Variants in GLT8D2 observed in about 807,000 individuals in gnomAD.
GLT8D2 encodes the protein glycosyltransferase 8 domain-containing protein 2.
GLT8D2 carries 45 observed loss-of-function variants against 44.5 expected under a neutral mutation model. The observed-to-expected ratio is 1.01, with a 90% CI of 0.80 to 1.30. The LOEUF (loss-of-function observed/expected upper bound fraction) is 1.30, where lower values mean the gene tolerates loss of function less well. GLT8D2 is among the 50% of genes most tolerant of loss of function. The pLI, the probability that GLT8D2 is intolerant of heterozygous loss-of-function variation, is 0.00. For missense variants in GLT8D2, 400 were observed against 430.4 expected (o/e 0.93, Z 0.62); for synonymous variants, 156 against 157.2 (o/e 0.99, Z 0.06).
chr12:104,001,926 A>G (rs1348843469), intron 5 of GLT8D2, among the ~76,000 whole-genome samples: 1 of 152,010 alleles, frequency 6.6e-6, no homozygotes, highest in Admixed American at 6.6e-5. Flanking sequence ...CTGGTCTCAA[A>G]TTCTTGACTT....
At chr12:104,017,123 T>C (rs1160042251) in intron 3 of GLT8D2, among the ~76,000 whole-genome samples, 1 of 152,164 alleles carries the variant, frequency 6.6e-6, no homozygotes, top group East Asian at 1.9e-4. Flanking sequence ...AATCAGCATA[T>C]GAGAAAGTCA....
chr12:104,041,103 C>T (rs1461497339), intron 1 of GLT8D2, among the ~76,000 whole-genome samples: 10 of 151,800 alleles, frequency 6.6e-5, no homozygotes, highest in Admixed American at 2.0e-4. Context: ...CCCGTCTCTA[C>T]TAAAAATACA....
intron 1 of GLT8D2, among the ~76,000 whole-genome samples, chr12:104,062,183 C>G (rs1481978981): frequency 6.6e-6 from 1 of 151,794 alleles, no homozygotes; most frequent in Non-Finnish European, 1.5e-5. Flanking sequence ...AAGTGATTCT[C>G]CTACCTCAGC....
At chr12:104,041,688 C>T (rs1321564787) in intron 1 of GLT8D2, among the ~76,000 whole-genome samples, 1 of 152,214 alleles carries the variant, frequency 6.6e-6, no homozygotes. Flanking sequence ...CAAACATTTA[C>T]TCAACCTCTA....
In GLT8D2 at chr12:103,999,391, A is replaced by G. The variant is rs1475996679; in HGVS notation, c.402+6T>C. The G allele has an allele frequency of 9.1e-6, 14 of 1,543,256 alleles. No homozygotes were observed. The highest frequency in any genetic ancestry group is 1.7e-4 in the Middle Eastern group (1 of 5,922). On this transcript the variant is annotated splice_donor_region_variant and intron_variant, in intron 6 of 10. Transcript: ENST00000360814. ...TGTCCCCAGCACCTGTGTGGTCCCTACTTACAGGCTGGAGCAATTCAGGCC... is the reference window on the plus strand; with the variant it reads ...TGTCCCCAGCACCTGTGTGGTCCCTGCTTACAGGCTGGAGCAATTCAGGCC...
upstream of GLT8D2, among the ~76,000 whole-genome samples, chr12:104,051,204 G>A (rs1053073021): frequency 4.0e-5 from 6 of 151,612 alleles, no homozygotes; most frequent in East Asian, 1.9e-4. Flanking sequence ...CACTGCAGCC[G>A]TGAACTTCAA....
At chr12:104,020,922 G>A (rs1261907579) in intron 2 of GLT8D2, among the ~76,000 whole-genome samples, 1 of 152,208 alleles carries the variant, frequency 6.6e-6, no homozygotes, top group Non-Finnish European at 1.5e-5. Flanking sequence ...ATACTACTGT[G>A]CCTGAAGAGG....
rs202237363 is a variant in GLT8D2, at chr12:103,999,528, CA to C, written c.285-15del. Reference sequence around the variant, plus strand: ...TCAATCCATTTTCTAAAAAGATGACCAAAAAAACCTCTAGTATACCCTTCAA... The same window carrying C: ...TCAATCCATTTTCTAAAAAGATGACCAAAAAACCTCTAGTATACCCTTCAA... On this transcript the variant is annotated splice_polypyrimidine_tract_variant and intron_variant, in intron 5 of 10. Coordinates refer to ENST00000360814, the MANE Select transcript of GLT8D2 (RefSeq NM_001384711.1). The C allele has an allele frequency of 1.5e-4, 210 of 1,360,776 alleles. No homozygotes were observed. The African/African-American group carries it at 2.7e-3, about 18-fold the overall frequency. 84.3% of individuals were successfully genotyped at this position (1,360,776 alleles called of 1,614,324 possible).
At chr12:104,001,786 C>A (rs1248631102) in intron 5 of GLT8D2, among the ~76,000 whole-genome samples, 1 of 152,140 alleles carries the variant, frequency 6.6e-6, no homozygotes, top group Non-Finnish European at 1.5e-5. Context: ...TCACTGCAAC[C>A]TCCACCTCCT....
chr12:104,041,864 G>C (rs1359457818), intron 1 of GLT8D2, among the ~76,000 whole-genome samples: 1 of 152,132 alleles, frequency 6.6e-6, no homozygotes, highest in East Asian at 1.9e-4. Flanking sequence ...CATCAAGGAG[G>C]GGCACCTGAC....
rs1566202587 is a variant in GLT8D2, at chr12:104,021,962, AGAGGAAGAGGAAGAGGAAGAG to A, written c.-163-492_-163-472del. On this transcript the variant is annotated intron_variant, in intron 1 of 10. Coordinates refer to ENST00000360814, the MANE Select transcript of GLT8D2 (RefSeq NM_001384711.1). ...AAGAAGAAGAAGAAGAAGAGGAAGA[AGAGGAAGAGGAAGAGGAAGAG>A]GAAGAAGAAGAAGAAGAAGAAGAAG... Among the ~76,000 whole-genome samples, 21 of 51,384 alleles carry A rather than the reference AGAGGAAGAGGAAGAGGAAGAG, an allele frequency of 4.1e-4. 3 individuals carry two copies. The highest frequency in any genetic ancestry group is 6.8e-4 in the East Asian group (1 of 1,462). 33.7% of individuals were successfully genotyped at this position (51,384 alleles called of 152,430 possible).
chr12:104,025,504 TG>T (rs1385493051), intron 1 of GLT8D2, among the ~76,000 whole-genome samples: 2 of 152,174 alleles, frequency 1.3e-5, no homozygotes, highest in Admixed American at 6.5e-5. Context: ...CCACCACACC[TG>T]GCCTTTTTTT....
At chr12:104,011,860 T>C (rs1875865887) in intron 4 of GLT8D2, among the ~76,000 whole-genome samples, 1 of 151,996 alleles carries the variant, frequency 6.6e-6, no homozygotes, top group Non-Finnish European at 1.5e-5. Context: ...TAAACCCTTC[T>C]TAATGGTAAT....
At chr12:104,005,858 T>A (rs1444829936) in intron 4 of GLT8D2, among the ~76,000 whole-genome samples, 4 of 152,174 alleles carry the variant, frequency 2.6e-5, no homozygotes, top group Non-Finnish European at 5.9e-5. Flanking sequence ...AGAAATACCA[T>A]TTGACCCAGC....
intron 1 of GLT8D2, chr12:104,030,667 T>C: frequency 6.7e-7 from 1 of 1,496,490 alleles, no homozygotes; most frequent in South Asian, 1.2e-5. Context: ...CCAAAATATA[T>C]AAGAAACTCA....
intron 4 of GLT8D2, among the ~76,000 whole-genome samples, chr12:104,010,886 C>T (rs931408271): frequency 2.6e-5 from 4 of 152,154 alleles, no homozygotes; most frequent in African/African-American, 9.7e-5. Flanking sequence ...GGTAAAAAAG[C>T]TGGGGCTGTG....
Position 103,995,361 on chromosome 12 carries a change from ACAGCGACCACCTTTAATGAAC to A in GLT8D2, c.601-881_601-861del, listed in dbSNP as rs59700950. The stretch of plus-strand genomic sequence containing the variant: ...TTATTCTCCTCTTGATCCCTCAGCA[ACAGCGACCACCTTTAATGAAC>A]CAGACTCACCCCTGCCTCAAGATCT... On this transcript the variant is annotated intron_variant, in intron 8 of 10. Transcript: ENST00000360814. Among the ~76,000 whole-genome samples, 30 of 152,298 alleles carry A rather than the reference ACAGCGACCACCTTTAATGAAC, an allele frequency of 2.0e-4. No individual in the cohort carries two copies. In the East Asian group the frequency reaches 5.8e-3, roughly 29 times the overall value.
rs114948031 is a variant in GLT8D2, at chr12:104,056,829, T to C, written c.-422-6541A>G. On this transcript the variant is annotated intron_variant, in intron 1 of 10. Transcript: ENST00000548660. ...GCACATCACTTCATTTCTAGTCTGC[T>C]GGTGACTGGTCACTGGACATCTGTT... is the stretch of plus-strand genomic sequence containing the variant. Among the ~76,000 whole-genome samples the C allele has an allele frequency of 9.8e-3, 1,489 of 152,382 alleles. 26 individuals carry two copies. The highest frequency in any genetic ancestry group is 0.034 in the African/African-American group (1,395 of 41,586).
At chr12:104,037,533 T>C (rs568333336) in intron 1 of GLT8D2, among the ~76,000 whole-genome samples, 2 of 152,100 alleles carry the variant, frequency 1.3e-5, no homozygotes, top group African/African-American at 4.8e-5. Flanking sequence ...GCAAATAAAC[T>C]AGAAAATATA....
Sources: allele counts gnomAD v4.1 joint callset (sites outside exome capture counted in the v4.1 genomes callset), GRCh38; gene constraint gnomAD v4.1.1; transcripts MANE v1.5; gene names NCBI Gene and HGNC (gene_info 2026-07-23, HGNC 2026-07-21).